The following ZNF704 variants were observed in gnomAD, a reference collection of about 807,000 sequenced individuals.
ZNF704 encodes glucocorticoid induced gene 1.
A neutral mutation model predicts 44.7 loss-of-function variants in ZNF704; 10 were observed. That is an observed-to-expected ratio of 0.22 (90% CI 0.14 to 0.38). ZNF704 has a LOEUF of 0.38. Among genes scored for constraint, ZNF704 ranks in the 10% least tolerant of loss-of-function variants. The pLI is 1.00. For missense variants in ZNF704, 390 were observed against 545.5 expected, an observed-to-expected ratio of 0.71 and a Z score of 2.84; for synonymous variants, 211 against 207.6, an observed-to-expected ratio of 1.02 and a Z score of -0.14.
chr8:80,632,887 A>G lies in ZNF704; in HGVS notation c.*8479T>C, dbSNP rs760872036. On this transcript the variant is annotated 3_prime_UTR_variant, in exon 9 of 9. Transcript: ENST00000327835. ...AACACTGTATTACTTTAGAAACATA[A>G]TAATAAATATTATTCATCAAAAACC... The G allele has an allele frequency of 6.6e-5, 10 of 152,234 alleles. No homozygotes were observed. Among genetic ancestry groups the G allele is most frequent in the Non-Finnish European group, 1.2e-4 (8 of 68,042 alleles). The allele number at this position is 152,234 out of a possible 1,614,324, so 9.4% of individuals were successfully genotyped here.
chr8:80,761,727 T>C (rs1807134769), intron 2 of ZNF704, among the ~76,000 whole-genome samples: 1 of 152,142 alleles, frequency 6.6e-6, no homozygotes, highest in Admixed American at 6.6e-5. Context: ...GCATAAACAC[T>C]CAGGTATACT....
intron 2 of ZNF704, among the ~76,000 whole-genome samples, chr8:80,709,316 C>T (rs973238699): frequency 3.3e-5 from 5 of 151,440 alleles, no homozygotes; most frequent in African/African-American, 9.7e-5. Flanking sequence ...TGGTGGCGGG[C>T]GCGTGTAGTC....
chr8:80,690,681 C>G (rs1159773199), intron 3 of ZNF704, among the ~76,000 whole-genome samples: 1 of 152,172 alleles, frequency 6.6e-6, no homozygotes, highest in East Asian at 1.9e-4. Flanking sequence ...GTAGTCAGGC[C>G]CATTTCAAGA....
At chr8:80,822,242 G>C (rs1808285476) in intron 1 of ZNF704, among the ~76,000 whole-genome samples, 1 of 152,002 alleles carries the variant, frequency 6.6e-6, no homozygotes, top group East Asian at 1.9e-4. Flanking sequence ...TTTACATTAG[G>C]TATATCTCCT....
At position 80,869,430 on chromosome 8, in the gene ZNF704, A is replaced by G. The variant is rs533752179; in HGVS notation, c.-22+5141T>C. Among the ~76,000 whole-genome samples, 26 of 152,272 alleles carry G rather than the reference A, an allele frequency of 1.7e-4. No individual in the cohort carries two copies. The South Asian group carries it at 5.0e-3, about 29-fold the overall frequency. The stretch of plus-strand genomic sequence containing the variant: ...TGACCTTCCTTTCTGCTACATGGAG[A>G]AAACAGAAGCCATCAGAAAACTACT... On this transcript the variant is annotated intron_variant, in intron 1 of 8. Coordinates refer to ENST00000327835, the MANE Select transcript of ZNF704 (RefSeq NM_001033723.3).
rs763344592 is a variant in ZNF704, at chr8:80,821,582, A to C, written c.13T>G (p.Phe5Val). 6.2e-7 allele frequency: 1 copy of C among 1,613,556 alleles called. No homozygotes were observed. The highest frequency in any genetic ancestry group is 8.5e-7 in the Non-Finnish European group (1 of 1,179,902). MTFTFQSEDLKRDCG... is the reference protein window; with the variant it reads MTFTVQSEDLKRDCG... ...TCACGTTTTAAGTCCTCTGACTGAA[A>C]TGTGAAGGTCATTTCCCGCTTAATG... The change falls in exon 2 of 9, where the codon TTT (phenylalanine) becomes GTT (valine). Residue 5 changes from phenylalanine (F) to valine (V), a missense_variant. Physicochemically the swap from Phe to Val is conservative, Grantham distance 50. Around this residue, in one of 3 missense-constraint regions of ZNF704, gnomAD observed 80 missense variants for 83.7 expected, o/e 0.96. Coordinates refer to ENST00000327835, the MANE Select transcript of ZNF704 (RefSeq NM_001033723.3).
intron 2 of ZNF704, among the ~76,000 whole-genome samples, chr8:80,762,206 C>T (rs536985171): frequency 6.6e-6 from 1 of 152,134 alleles, no homozygotes; most frequent in Non-Finnish European, 1.5e-5. Flanking sequence ...CATCACATAG[C>T]AAATTGATAC....
intron 2 of ZNF704, among the ~76,000 whole-genome samples, chr8:80,757,258 T>C (rs369356145): frequency 2.0e-4 from 30 of 152,286 alleles, no homozygotes; most frequent in African/African-American, 7.0e-4. Context: ...GACAGTGATA[T>C]TGATAATCCT....
chr8:80,729,734 G>C (rs1003127430), intron 2 of ZNF704, among the ~76,000 whole-genome samples: 3 of 152,186 alleles, frequency 2.0e-5, no homozygotes, highest in Non-Finnish European at 4.4e-5. Flanking sequence ...CGCTTCATCT[G>C]AGCTGTAGTG....
intron 1 of ZNF704, among the ~76,000 whole-genome samples, chr8:80,851,081 A>C (rs75966851): frequency 0.014 from 2,163 of 152,302 alleles, 53 homozygotes; most frequent in African/African-American, 0.049. Flanking sequence ...CATTGCTCCT[A>C]AGCTACAAAC....
chr8:80,710,898 G>A (rs1022328556), intron 2 of ZNF704, among the ~76,000 whole-genome samples: 1 of 152,158 alleles, frequency 6.6e-6, no homozygotes, highest in African/African-American at 2.4e-5. Context: ...GGTTGAATAA[G>A]ACAACATTTT....
intron 2 of ZNF704, among the ~76,000 whole-genome samples, chr8:80,747,492 G>A (rs531893767): frequency 9.2e-5 from 14 of 151,996 alleles, no homozygotes; most frequent in Non-Finnish European, 1.6e-4. Flanking sequence ...GTGGGACTGG[G>A]GACAAGGGCT....
chr8:80,722,813 C>T (rs1806395271), intron 2 of ZNF704, among the ~76,000 whole-genome samples: 1 of 152,094 alleles, frequency 6.6e-6, no homozygotes, highest in Non-Finnish European at 1.5e-5. Flanking sequence ...CATCCCAAAC[C>T]ACTCTCTCCC....
intron 2 of ZNF704, among the ~76,000 whole-genome samples, chr8:80,768,838 G>A (rs1170375302): frequency 6.6e-6 from 1 of 152,082 alleles, no homozygotes; most frequent in Non-Finnish European, 1.5e-5. Context: ...TGATACAAAT[G>A]AGCACTTCTT....
chr8:80,670,581 T>C lies in ZNF704; in HGVS notation c.581A>G (p.Lys194Arg), dbSNP rs369582627. The C allele has an allele frequency of 4.3e-6, 7 of 1,613,614 alleles. No individual in the cohort carries two copies. The highest frequency in any genetic ancestry group is 2.7e-5 in the African/African-American group (2 of 74,938). The change falls in exon 5 of 9, where the codon AAA becomes AGA. Residue 194 changes from lysine (K) to arginine (R), a missense_variant. Physicochemically the swap from Lys to Arg is conservative, Grantham distance 26 (BLOSUM62 2). This residue lies in a region of ZNF704 where 305 missense variants were observed against 435.7 expected (regional missense o/e 0.70). Coordinates refer to ENST00000327835, the MANE Select transcript of ZNF704 (RefSeq NM_001033723.3). Reference sequence around the variant, plus strand: ...CTTCCCACAGTTTTTCCAGAGGCATTTGAACATCACCTTCATGGAATTCTG... The same window carrying C: ...CTTCCCACAGTTTTTCCAGAGGCATCTGAACATCACCTTCATGGAATTCTG... Reference protein sequence around the residue: ...KRKNSMKVMFKCLWKNCGKVL... With the variant: ...KRKNSMKVMFRCLWKNCGKVL...
chr8:80,693,051 C>G lies in ZNF704; in HGVS notation c.278G>C (p.Ser93Thr). 4.3e-6 allele frequency: 7 copies of G among 1,614,210 alleles called. No homozygotes were observed. Among genetic ancestry groups the G allele is most frequent in the Non-Finnish European group, 5.9e-6 (7 of 1,180,038 alleles). The change falls in exon 3 of 9, where the codon AGC becomes ACC. Residue 93 changes from serine (S) to threonine (T), a missense_variant. Physicochemically the swap from Ser to Thr is moderately conservative, Grantham distance 58. This residue lies in a region of ZNF704 where 305 missense variants were observed against 435.7 expected (regional missense o/e 0.70). Coordinates refer to ENST00000327835, the MANE Select transcript of ZNF704 (RefSeq NM_001033723.3). The part of the protein sequence containing the change: ...DKVTAAMVLT[S>T]LSTSPLVRSP... ...TCGAACCAAAGGGCTAGTCGACAAG[C>G]TGGTTAGTACCATTGCTGCTGTCAC...
chr8:80,861,276 A>G (rs1809057176), intron 1 of ZNF704, among the ~76,000 whole-genome samples: 1 of 152,164 alleles, frequency 6.6e-6, no homozygotes, highest in Admixed American at 6.5e-5. Flanking sequence ...CCACTGGAGT[A>G]TATTTATTGG....
chr8:80,705,765 T>C (rs527886133), intron 2 of ZNF704, among the ~76,000 whole-genome samples: 5 of 152,268 alleles, frequency 3.3e-5, no homozygotes, highest in Admixed American at 1.3e-4. Flanking sequence ...GCCTCTTTCT[T>C]CTAGCTCTCT....
rs536696386 is a variant in ZNF704, at chr8:80,824,576, C to A, written c.-21-2961G>T. Among the ~76,000 whole-genome samples, 366 of 152,220 alleles carry A rather than the reference C, an allele frequency of 2.4e-3. 3 individuals are homozygous for A. Among genetic ancestry groups the A allele is most frequent in the Admixed American group, 4.0e-3 (61 of 15,284 alleles). On this transcript the variant is annotated intron_variant, in intron 1 of 8. Coordinates refer to ENST00000327835, the MANE Select transcript of ZNF704 (RefSeq NM_001033723.3). ...TCAAATTCAAGAAATACAGAGAACG[C>A]CACAAAGATACTCCTTGAGAAGAGC...
Sources: allele counts gnomAD v4.1 joint callset (sites outside exome capture counted in the v4.1 genomes callset), GRCh38; gene constraint gnomAD v4.1.1; regional missense constraint gnomAD v4.1.1; transcripts MANE v1.5; gene names NCBI Gene and HGNC (gene_info 2026-07-23, HGNC 2026-07-21).